The following PPP2R2C variants were observed in gnomAD, a reference collection of about 807,000 sequenced individuals.
The protein encoded by PPP2R2C is protein phosphatase 2 regulatory subunit Bgamma.
In PPP2R2C, 10 loss-of-function variants were observed where a neutral mutation model predicts 45.3. The ratio of observed to expected loss-of-function variants is 0.22; its 90% confidence interval spans 0.14 to 0.37. PPP2R2C has a LOEUF of 0.37. Among genes scored for constraint, PPP2R2C ranks in the 10% least tolerant of loss-of-function variants. PPP2R2C has a pLI of 1.00. For missense variants in PPP2R2C, 308 were observed against 619.7 expected (o/e 0.50, Z 5.34); for synonymous variants, 257 against 245.4 (o/e 1.05, Z -0.44).
At chr4:6,520,779 G>T (rs995817922) in intron 2 of PPP2R2C, among the ~76,000 whole-genome samples, 1 of 152,326 alleles carries the variant, frequency 6.6e-6, no homozygotes, top group South Asian at 2.1e-4. Flanking sequence ...ACGTGCCCAG[G>T]TATGCCTGCA....
chr4:6,508,844 C>G (rs1401593711), intron 2 of PPP2R2C, among the ~76,000 whole-genome samples: 2 of 152,188 alleles, frequency 1.3e-5, no homozygotes, highest in Non-Finnish European at 2.9e-5. Context: ...CGCATATGGA[C>G]AGCCCACCCC....
intron 1 of PPP2R2C, among the ~76,000 whole-genome samples, chr4:6,539,444 GCA>G (rs908824246): frequency 6.6e-6 from 1 of 152,308 alleles, no homozygotes; most frequent in Middle Eastern, 3.4e-3. Flanking sequence ...CGGCCACAGG[GCA>G]CTCACACATG....
In PPP2R2C at chr4:6,441,527, G is replaced by A. The variant is rs550607877; in HGVS notation, c.70+30633C>T. Among the ~76,000 whole-genome samples the A allele has an allele frequency of 3.0e-4, 45 of 152,194 alleles. No homozygotes were observed. In the South Asian group the frequency reaches 6.9e-3, roughly 23 times the overall value. On this transcript the variant is annotated intron_variant, in intron 1 of 8. Transcript: ENST00000382599. ...CACACGAGCACTCTCTCTCCACCTC[G>A]CCTCTGTTCAGGCTGTGACCTCTTC...
chr4:6,457,805 GCTA>G (rs936567088), intron 1 of PPP2R2C, among the ~76,000 whole-genome samples: 1 of 152,134 alleles, frequency 6.6e-6, no homozygotes, highest in Non-Finnish European at 1.5e-5. Flanking sequence ...CACAGTGCTC[GCTA>G]CTGTTATTGT....
At chr4:6,449,787 C>T (rs915275104) in intron 1 of PPP2R2C, among the ~76,000 whole-genome samples, 1 of 152,240 alleles carries the variant, frequency 6.6e-6, no homozygotes, top group African/African-American at 2.4e-5. Flanking sequence ...ATCTTCTCTT[C>T]TCCTTTCACC....
intron 2 of PPP2R2C, among the ~76,000 whole-genome samples, chr4:6,517,984 G>A (rs980807944): frequency 2.0e-5 from 3 of 152,120 alleles, no homozygotes; most frequent in East Asian, 1.9e-4. Flanking sequence ...CATGCAAAGC[G>A]GAAAAAGAAG....
chr4:6,422,398 C>T (rs1413318898), intron 1 of PPP2R2C, among the ~76,000 whole-genome samples: 2 of 152,314 alleles, frequency 1.3e-5, no homozygotes, highest in East Asian at 1.9e-4. Flanking sequence ...TGAGCCTCAG[C>T]GTCCTCATTT....
Position 6,345,075 on chromosome 4 carries a change from C to T in PPP2R2C, c.790+2771G>A, listed in dbSNP as rs541461102. ...TTTCAGAAGAGTTGAATAATCTTAG[C>T]ATTTAAGATTGGGATATTGAGGATG... On this transcript the variant is annotated intron_variant, in intron 6 of 8. Transcript: ENST00000382599. This position sits in a 1 kb window ranked among gnomAD's most constrained non-coding sequence, Gnocchi z 5.3. Among the ~76,000 whole-genome samples, 1 of 152,330 alleles carries T rather than the reference C, an allele frequency of 6.6e-6. No homozygotes were observed. The highest frequency in any genetic ancestry group is 2.1e-4 in the South Asian group (1 of 4,818).
chr4:6,326,754 C>T (rs1265599044), intron 8 of PPP2R2C, among the ~76,000 whole-genome samples: 3 of 152,242 alleles, frequency 2.0e-5, no homozygotes, highest in African/African-American at 7.2e-5. Context: ...GAGAGTCCAG[C>T]AGGAGAGCTG....
At chr4:6,339,104 C>G (rs138649324) in intron 6 of PPP2R2C, among the ~76,000 whole-genome samples, 99 of 152,372 alleles carry the variant, frequency 6.5e-4, no homozygotes, top group Middle Eastern at 3.4e-3. Context: ...TCCTCTAGAA[C>G]CCCAGGCTCA....
intron 1 of PPP2R2C, among the ~76,000 whole-genome samples, chr4:6,562,591 G>GC (rs151115898): frequency 7.0e-4 from 107 of 152,226 alleles, no homozygotes; most frequent in African/African-American, 2.5e-3. Flanking sequence ...ACCTCACTGG[G>GC]CCCCTGAAGG....
chr4:6,349,042 T>G, intron 5 of PPP2R2C: 5 of 985,174 alleles, frequency 5.1e-6, no homozygotes, highest in Non-Finnish European at 6.0e-6. Context: ...TCTTTTCCTA[T>G]CCCTTCCCTG....
chr4:6,326,038 C>T (rs1731913627), intron 8 of PPP2R2C, among the ~76,000 whole-genome samples: 1 of 152,342 alleles, frequency 6.6e-6, no homozygotes, highest in Middle Eastern at 3.4e-3. Context: ...AATCACAGTG[C>T]TCTCCTCGCC....
At chr4:6,354,023 G>A (rs1246514399) in intron 5 of PPP2R2C, among the ~76,000 whole-genome samples, 1 of 139,462 alleles carries the variant, frequency 7.2e-6, no homozygotes, top group African/African-American at 2.7e-5. Flanking sequence ...AGGCATCAGG[G>A]GGCTTCTTCC....
At chr4:6,463,929 C>A (rs1721460966) in intron 1 of PPP2R2C, among the ~76,000 whole-genome samples, 1 of 152,174 alleles carries the variant, frequency 6.6e-6, no homozygotes, top group South Asian at 2.1e-4. Flanking sequence ...ATCCCAAAAT[C>A]TCCTAAGTGT....
At chr4:6,341,329 A>T (rs1733425211) in intron 6 of PPP2R2C, among the ~76,000 whole-genome samples, 2 of 130,682 alleles carry the variant, frequency 1.5e-5, no homozygotes, top group African/African-American at 6.0e-5. Flanking sequence ...ATAGAATGAG[A>T]CTCCATTTCA....
chr4:6,348,075 G>T (rs1712171753), intron 5 of PPP2R2C, 65 bp from the exon 6 acceptor site: 70 of 1,570,334 alleles, frequency 4.5e-5, no homozygotes, highest in Non-Finnish European at 5.9e-5. Context: ...CTTCCCGGAG[G>T]TTTCTGACAC....
At chr4:6,406,250 G>C (rs948019842) in intron 1 of PPP2R2C, among the ~76,000 whole-genome samples, 4 of 152,170 alleles carry the variant, frequency 2.6e-5, no homozygotes, top group Non-Finnish European at 1.5e-5. Flanking sequence ...TCAGCCAAAG[G>C]GATCTAAACC....
chr4:6,351,445 G>A (rs1712545523), intron 5 of PPP2R2C: 4 of 773,304 alleles, frequency 5.2e-6, no homozygotes, highest in Non-Finnish European at 6.3e-6. Flanking sequence ...ACTCAATCGA[G>A]CACCCCATGT....
Sources: gnomAD v4.1 joint callset for allele counts (sites outside exome capture counted in the v4.1 genomes callset) on GRCh38, gnomAD v4.1.1 for gene constraint, Gnocchi (gnomAD v3.1) non-coding constraint, MANE v1.5 for transcripts, NCBI Gene and HGNC (gene_info 2026-07-23, HGNC 2026-07-21) for gene names.